GAS7: variants seen among roughly 807,000 people sequenced by gnomAD.
GAS7 encodes the protein growth arrest specific 7.
Under a neutral mutation model 71.1 loss-of-function variants are expected in GAS7, and 28 were observed. The ratio of observed to expected loss-of-function variants is 0.39; its 90% confidence interval spans 0.29 to 0.54. The LOEUF is 0.54. GAS7 is among the 20% of genes least tolerant of loss of function. GAS7 has a pLI of 0.62. For synonymous variants in GAS7, 258 were observed against 245.8 expected, an observed-to-expected ratio of 1.05 and a Z score of -0.46; for missense variants, 436 against 627.8, an observed-to-expected ratio of 0.69 and a Z score of 3.27.
intron 3 of GAS7, among the ~76,000 whole-genome samples, chr17:9,971,368 G>T (rs1335663002): frequency 6.6e-6 from 1 of 152,068 alleles, no homozygotes; most frequent in South Asian, 2.1e-4. Context: ...AGATCAGCCC[G>T]GACAACACCG....
intron 1 of GAS7, among the ~76,000 whole-genome samples, chr17:10,125,906 G>A (rs111724628): frequency 1.9e-3 from 286 of 152,202 alleles, no homozygotes; most frequent in Middle Eastern, 6.8e-3. Context: ...CACCCGCCCC[G>A]ATTCCTATCA....
chr17:9,982,742 C>T (rs1252389037), intron 2 of GAS7, among the ~76,000 whole-genome samples: 1 of 149,538 alleles, frequency 6.7e-6, no homozygotes, highest in Admixed American at 6.7e-5. Context: ...TGCCACTGCA[C>T]TCCAGCCTGG....
At chr17:10,174,644 A>G (rs1308230934) in intron 1 of GAS7, among the ~76,000 whole-genome samples, 2 of 152,018 alleles carry the variant, frequency 1.3e-5, no homozygotes, top group Non-Finnish European at 2.9e-5. Flanking sequence ...GTGAGCTGAG[A>G]TCGCACCACT....
chr17:9,941,384 G>A (rs761555675), intron 7 of GAS7, among the ~76,000 whole-genome samples: 2 of 152,102 alleles, frequency 1.3e-5, no homozygotes, highest in African/African-American at 4.8e-5. Context: ...CCAGACACAC[G>A]AGGTGCATAC....
At chr17:10,183,767 A>C (rs938507098) in intron 1 of GAS7, among the ~76,000 whole-genome samples, 2 of 151,940 alleles carry the variant, frequency 1.3e-5, no homozygotes, top group South Asian at 4.2e-4. Context: ...GCGTGAACCC[A>C]GGAGGCGGAG....
intron 2 of GAS7, among the ~76,000 whole-genome samples, chr17:9,997,163 A>G (rs2071080636): frequency 6.7e-6 from 1 of 149,422 alleles, no homozygotes; most frequent in Admixed American, 6.7e-5. Flanking sequence ...GAACTACTTG[A>G]AAAATATTGA....
At chr17:10,083,572 G>A (rs1236478158) in intron 1 of GAS7, among the ~76,000 whole-genome samples, 1 of 152,236 alleles carries the variant, frequency 6.6e-6, no homozygotes, top group African/African-American at 2.4e-5. Flanking sequence ...TGATTCCCAA[G>A]TTCTTGTCCC....
chr17:9,968,351 C>T (rs770188214), intron 4 of GAS7, among the ~76,000 whole-genome samples: 16 of 152,140 alleles, frequency 1.1e-4, no homozygotes, highest in Non-Finnish European at 1.9e-4. Flanking sequence ...AGCGTCACCT[C>T]GGAGCTGGCT....
At chr17:10,121,012 G>A (rs1287975645) in intron 1 of GAS7, among the ~76,000 whole-genome samples, 1 of 152,262 alleles carries the variant, frequency 6.6e-6, no homozygotes, top group African/African-American at 2.4e-5. Context: ...TGCAGGAGCT[G>A]CAACGGTCCT....
At position 9,969,165 on chromosome 17, in the gene GAS7, A is replaced by G. The variant is rs923065245; in HGVS notation, c.471+512T>C. On this transcript the variant is annotated intron_variant, in intron 4 of 13. Coordinates refer to ENST00000432992, the MANE Select transcript of GAS7 (RefSeq NM_201433.2). This position sits in a 1 kb window ranked among gnomAD's most constrained non-coding sequence, Gnocchi z 5.5. ...GCCTAACTCACATGTTTGCATAAAC[A>G]TCAAGTAGGATGGAGACTGAGAAAA... is the stretch of plus-strand genomic sequence containing the variant. 1.3e-4 allele frequency among the ~76,000 whole-genome samples: 20 copies of G among 152,232 alleles called. No homozygotes were observed. Among genetic ancestry groups the G allele is most frequent in the African/African-American group, 4.8e-4 (20 of 41,460 alleles).
intron 1 of GAS7, among the ~76,000 whole-genome samples, chr17:10,115,508 G>A (rs890861667): frequency 6.6e-6 from 1 of 152,188 alleles, no homozygotes; most frequent in African/African-American, 2.4e-5. Context: ...TTTACAGGCT[G>A]CAGCTGTGCC....
chr17:10,097,134 A>G (rs913587393), intron 1 of GAS7, among the ~76,000 whole-genome samples: 2 of 152,174 alleles, frequency 1.3e-5, no homozygotes, highest in African/African-American at 4.8e-5. Context: ...GTCTTGGGGA[A>G]TCCTACTCCT....
At chr17:10,154,913 TACACACACACACACACACACACAC>T (rs57604032) in intron 1 of GAS7, among the ~76,000 whole-genome samples, 2 of 141,960 alleles carry the variant, frequency 1.4e-5, no homozygotes, top group Non-Finnish European at 1.5e-5. Context: ...AACCCCAGGC[TACACACACACACACACACACACAC>T]ACACACACAC....
intron 9 of GAS7, among the ~76,000 whole-genome samples, chr17:9,927,966 G>GGCCCC (rs2068070793): frequency 6.6e-6 from 1 of 152,142 alleles, no homozygotes; most frequent in Non-Finnish European, 1.5e-5. Flanking sequence ...GGTTTATGCT[G>GGCCCC]TCAGAAGAGC....
At chr17:10,069,812 T>A (rs954457085) in intron 1 of GAS7, among the ~76,000 whole-genome samples, 4 of 152,200 alleles carry the variant, frequency 2.6e-5, no homozygotes, top group African/African-American at 9.7e-5. Context: ...AAAATTGATG[T>A]GAGTCTGTGA....
intron 1 of GAS7, among the ~76,000 whole-genome samples, chr17:10,160,637 C>G (rs1182838044): frequency 6.6e-6 from 1 of 152,176 alleles, no homozygotes; most frequent in Non-Finnish European, 1.5e-5. Context: ...CCAGGCAGAT[C>G]ACATCACAGG....
At chr17:10,140,312 A>C (rs2074069851) in intron 1 of GAS7, among the ~76,000 whole-genome samples, 1 of 152,110 alleles carries the variant, frequency 6.6e-6, no homozygotes, top group Non-Finnish European at 1.5e-5. Context: ...CAATTTAAAA[A>C]TTCGCCAGGC....
At chr17:10,055,131 C>G (rs888023216) in intron 1 of GAS7, among the ~76,000 whole-genome samples, 1 of 152,122 alleles carries the variant, frequency 6.6e-6, no homozygotes, top group Admixed American at 6.5e-5. Context: ...GGCACAGTGG[C>G]CTGGGGTAGG....
intron 8 of GAS7, among the ~76,000 whole-genome samples, chr17:9,937,467 C>T (rs1702953539): frequency 6.6e-6 from 1 of 152,194 alleles, no homozygotes; most frequent in Non-Finnish European, 1.5e-5. Flanking sequence ...TCTATGTGCC[C>T]CCTTCCTGCC....
Sources: gnomAD v4.1 joint callset for allele counts (sites outside exome capture counted in the v4.1 genomes callset) on GRCh38, gnomAD v4.1.1 for gene constraint, Gnocchi (gnomAD v3.1) non-coding constraint, MANE v1.5 for transcripts, NCBI Gene and HGNC (gene_info 2026-07-23, HGNC 2026-07-21) for gene names.